Variants in SLC24A2 observed in about 807,000 individuals in gnomAD.
The protein encoded by SLC24A2 is solute carrier family 24 member 2, also known as sodium/potassium/calcium exchanger 2.
A neutral mutation model predicts 62.0 loss-of-function variants in SLC24A2; 36 were observed. The observed-to-expected ratio is 0.58, with a 90% CI of 0.44 to 0.77. SLC24A2 has a LOEUF of 0.77. Among genes scored for constraint, SLC24A2 ranks in the 30% least tolerant of loss-of-function variants. The probability of loss-of-function intolerance (pLI) is 0.00; values close to 1 mark genes in which losing one functional copy is unlikely to be tolerated. For missense variants in SLC24A2, 846 were observed against 817.9 expected, an observed-to-expected ratio of 1.03 and a Z score of -0.42; for synonymous variants, 358 against 294.0, an observed-to-expected ratio of 1.22 and a Z score of -2.23.
chr9:19,901,743 A>C, the SLC24A2 span, among the ~76,000 whole-genome samples: 1 of 152,202 alleles, frequency 6.6e-6, no homozygotes, highest in Non-Finnish European at 1.5e-5. Context: ...CAGACTCTCT[A>C]AAACTGGCCA....
At chr9:20,125,191 G>A in the SLC24A2 span, among the ~76,000 whole-genome samples, 1 of 152,054 alleles carries the variant, frequency 6.6e-6, no homozygotes, top group East Asian at 1.9e-4. Context: ...ATGTCCTCAT[G>A]GAACTTACTA....
the SLC24A2 span, among the ~76,000 whole-genome samples, chr9:20,021,605 G>A: frequency 1.3e-5 from 2 of 151,960 alleles, no homozygotes; most frequent in African/African-American, 2.4e-5. Context: ...CAGTACCAAA[G>A]ACGTTTTCAA....
the SLC24A2 span, among the ~76,000 whole-genome samples, chr9:19,962,192 G>A: frequency 1.3e-5 from 2 of 152,054 alleles, no homozygotes; most frequent in African/African-American, 2.4e-5. Context: ...CTCACTTTAA[G>A]GAGTTGCTCT....
At chr9:19,982,080 G>A in the SLC24A2 span, among the ~76,000 whole-genome samples, 1 of 152,142 alleles carries the variant, frequency 6.6e-6, no homozygotes, top group Non-Finnish European at 1.5e-5. Flanking sequence ...ATGCAAAGGT[G>A]TGTTACTCTG....
At chr9:19,696,217 C>A (rs1264881130) in intron 2 of SLC24A2, among the ~76,000 whole-genome samples, 3 of 152,138 alleles carry the variant, frequency 2.0e-5, no homozygotes, top group Non-Finnish European at 4.4e-5. Flanking sequence ...GCAAAACCAT[C>A]CTCACCACAC....
At chr9:20,023,154 A>C in the SLC24A2 span, among the ~76,000 whole-genome samples, 4,512 of 152,276 alleles carry the variant, frequency 0.03, 218 homozygotes, top group African/African-American at 0.099. Context: ...ATCATATCCA[A>C]TATATATTTT....
chr9:20,185,664 CAA>C, the SLC24A2 span, among the ~76,000 whole-genome samples: 14 of 90,738 alleles, frequency 1.5e-4, no homozygotes, highest in Admixed American at 2.4e-4. Context: ...GACTCCATCT[CAA>C]AAAAAAAAAA....
chr9:20,100,018 C>G, the SLC24A2 span, among the ~76,000 whole-genome samples: 3 of 151,602 alleles, frequency 2.0e-5, no homozygotes, highest in Non-Finnish European at 2.9e-5. Flanking sequence ...TTCTCCTATT[C>G]ATCTTTTTTT....
the SLC24A2 span, among the ~76,000 whole-genome samples, chr9:20,241,183 A>C: frequency 6.6e-6 from 1 of 152,258 alleles, no homozygotes; most frequent in African/African-American, 2.4e-5. Context: ...CCTGGTGTTA[A>C]CACTGAAGTT....
In SLC24A2 at chr9:19,515,132, G is replaced by C. The variant is rs780467153; in HGVS notation, c.*1021C>G. The C allele has an allele frequency of 1.3e-4, 20 of 152,098 alleles. No individual in the cohort carries two copies. The highest frequency in any genetic ancestry group is 2.2e-4 in the Non-Finnish European group (15 of 68,024). The allele number at this position is 152,098 out of a possible 1,614,324, so 9.4% of individuals were successfully genotyped here. On this transcript the variant is annotated 3_prime_UTR_variant, in exon 11 of 11. Transcript: ENST00000341998. ...TTACCCCTCTTCTTTTGATGATAAT[G>C]GGACATGCGCTGGAAAAATACAGGT...
chr9:19,771,135 T>C (rs775551382), intron 2 of SLC24A2, among the ~76,000 whole-genome samples: 1 of 152,220 alleles, frequency 6.6e-6, no homozygotes, highest in Non-Finnish European at 1.5e-5. Flanking sequence ...AAGGTGATTA[T>C]GCAATGAGCA....
the SLC24A2 span, among the ~76,000 whole-genome samples, chr9:20,114,395 A>G: frequency 2.6e-5 from 4 of 152,180 alleles, no homozygotes; most frequent in Admixed American, 6.5e-5. Context: ...AACTAGTCCT[A>G]TGCTAAAGGC....
At chr9:20,299,774 G>A in the SLC24A2 span, among the ~76,000 whole-genome samples, 2 of 152,226 alleles carry the variant, frequency 1.3e-5, no homozygotes, top group Non-Finnish European at 2.9e-5. Context: ...AACTCGTTCA[G>A]GGAGAAACTT....
chr9:19,757,085 TA>T (rs1822166278), intron 2 of SLC24A2, among the ~76,000 whole-genome samples: 1 of 151,894 alleles, frequency 6.6e-6, no homozygotes, highest in Non-Finnish European at 1.5e-5. Flanking sequence ...TGAAACTTTT[TA>T]AAAACAGAAA....
chr9:19,744,163 C>G (rs1326839410), intron 2 of SLC24A2, among the ~76,000 whole-genome samples: 1 of 152,148 alleles, frequency 6.6e-6, no homozygotes, highest in Non-Finnish European at 1.5e-5. Flanking sequence ...GCCCTCCTCT[C>G]TTAGGTTCAG....
At chr9:19,686,843 T>G (rs1819896150) in intron 2 of SLC24A2, among the ~76,000 whole-genome samples, 1 of 152,148 alleles carries the variant, frequency 6.6e-6, no homozygotes, top group Non-Finnish European at 1.5e-5. Context: ...GTATGTTCAT[T>G]GCAACACTAT....
At chr9:20,277,305 A>G in the SLC24A2 span, among the ~76,000 whole-genome samples, 18 of 152,130 alleles carry the variant, frequency 1.2e-4, no homozygotes, top group South Asian at 3.7e-3. Context: ...GGCAACCTAC[A>G]GAATGGGAGA....
the SLC24A2 span, among the ~76,000 whole-genome samples, chr9:20,020,667 C>T: frequency 6.6e-6 from 1 of 152,046 alleles, no homozygotes; most frequent in Non-Finnish European, 1.5e-5. Context: ...AATTATATAC[C>T]TTTGTAACAA....
the SLC24A2 span, among the ~76,000 whole-genome samples, chr9:20,166,358 A>G: frequency 3.3e-4 from 50 of 152,120 alleles, no homozygotes; most frequent in Non-Finnish European, 6.0e-4. Flanking sequence ...GAAACTATCT[A>G]AGTGTCCAAA....
Sources: gnomAD v4.1 joint callset for allele counts (sites outside exome capture counted in the v4.1 genomes callset) on GRCh38, gnomAD v4.1.1 for gene constraint, MANE v1.5 for transcripts, NCBI Gene and HGNC (gene_info 2026-07-23, HGNC 2026-07-21) for gene names.